The following GABRG1 variants were observed in gnomAD, a reference collection of about 807,000 sequenced individuals.
GABRG1 encodes the protein gamma-aminobutyric acid receptor subunit gamma-1.
Under a neutral mutation model 49.8 loss-of-function variants are expected in GABRG1, and 49 were observed. That is an observed-to-expected ratio of 0.98 (90% confidence interval 0.78 to 1.25). The LOEUF is 1.25. GABRG1 is among the 50% of genes most tolerant of loss of function. The pLI, the probability that GABRG1 is intolerant of heterozygous loss-of-function variation, is 0.00. For synonymous variants in GABRG1, 232 were observed against 185.1 expected (o/e 1.25, Z -2.06); for missense variants, 552 against 552.3 (o/e 1.00, Z 0.01).
intron 3 of GABRG1, among the ~76,000 whole-genome samples, chr4:46,076,413 A>T (rs2109417466): frequency 8.4e-6 from 1 of 119,402 alleles, no homozygotes; most frequent in South Asian, 2.8e-4. Context: ...ATGCTAAATT[A>T]CTTTTTCTTA....
chr4:46,052,354 A>G (rs976187524), intron 7 of GABRG1, among the ~76,000 whole-genome samples: 2 of 151,952 alleles, frequency 1.3e-5, no homozygotes, highest in Non-Finnish European at 1.5e-5. Flanking sequence ...ATCCAAACTA[A>G]CATAGCTTTT....
At chr4:46,078,808 A>G (rs552531918) in intron 3 of GABRG1, among the ~76,000 whole-genome samples, 1 of 152,126 alleles carries the variant, frequency 6.6e-6, no homozygotes, top group South Asian at 2.1e-4. Flanking sequence ...TTGAATTTTT[A>G]TAAAACAAAT....
At chr4:46,076,892 T>TGC (rs1198003910) in intron 3 of GABRG1, among the ~76,000 whole-genome samples, 1 of 151,624 alleles carries the variant, frequency 6.6e-6, no homozygotes, top group Non-Finnish European at 1.5e-5. Context: ...AGGTCTAGGG[T>TGC]GTGTATATAT....
rs1339152856 is a variant in GABRG1 at position 46,097,727 on chromosome 4, T to A, written c.105-378A>T. 2.6e-5 allele frequency among the ~76,000 whole-genome samples: 4 copies of A among 151,298 alleles called. No homozygotes were observed. The East Asian group carries it at 7.8e-4, about 30-fold the overall frequency. ...AACCATCACAACCAAAAATAAAAATTAAAAGGTAAAGAATTACAGGAAAAG... is the reference window on the plus strand; with the variant it reads ...AACCATCACAACCAAAAATAAAAATAAAAAGGTAAAGAATTACAGGAAAAG... On this transcript the variant is annotated intron_variant, in intron 1 of 8. Coordinates refer to ENST00000295452, the MANE Select transcript of GABRG1 (RefSeq NM_173536.4).
chr4:46,114,795 A>G (rs1372262131), intron 1 of GABRG1, among the ~76,000 whole-genome samples: 2 of 151,070 alleles, frequency 1.3e-5, no homozygotes, highest in Admixed American at 1.3e-4. Flanking sequence ...AATTTAAAAA[A>G]CATACTAACT....
Position 46,062,659 on chromosome 4 carries a change from C to T in GABRG1, c.625+1782G>A, listed in dbSNP as rs1178540619. Among the ~76,000 whole-genome samples, 8 of 152,222 alleles carry T rather than the reference C, an allele frequency of 5.3e-5. No homozygotes were observed. The East Asian group carries it at 1.5e-3, about 29-fold the overall frequency. On this transcript the variant is annotated intron_variant, in intron 5 of 8. Coordinates refer to ENST00000295452, the MANE Select transcript of GABRG1 (RefSeq NM_173536.4). ...GAGCATTTTTTCATGTGTCTTTTGG[C>T]TGCATAAATGTCTTCTTTTGAGAAG...
intron 1 of GABRG1, among the ~76,000 whole-genome samples, chr4:46,098,165 G>A (rs115205617): frequency 0.011 from 1,599 of 151,804 alleles, 13 homozygotes; most frequent in Middle Eastern, 0.02. Context: ...TGATACACCT[G>A]TGTGCTTAAA....
intron 7 of GABRG1, among the ~76,000 whole-genome samples, chr4:46,054,899 G>A (rs1263736110): frequency 1.6e-5 from 1 of 63,246 alleles, no homozygotes; most frequent in Non-Finnish European, 2.9e-5. Context: ...AATAGGAGCG[G>A]TGAGAGAGGG....
chr4:46,081,789 AG>A (rs1339377098), intron 3 of GABRG1, among the ~76,000 whole-genome samples: 1 of 151,840 alleles, frequency 6.6e-6, no homozygotes, highest in Non-Finnish European at 1.5e-5. Flanking sequence ...TGCGGCTTTT[AG>A]GGTGGGCCCT....
intron 8 of GABRG1, among the ~76,000 whole-genome samples, chr4:46,049,865 G>A (rs1470886032): frequency 2.0e-5 from 3 of 151,790 alleles, no homozygotes; most frequent in Non-Finnish European, 2.9e-5. Flanking sequence ...TGTGTCCTTC[G>A]ATAATATAAT....
chr4:46,076,361 TCATATATATA>T (rs1438918197), intron 3 of GABRG1, among the ~76,000 whole-genome samples: 161 of 78,146 alleles, frequency 2.1e-3, no homozygotes, highest in African/African-American at 5.9e-3. Context: ...TAGGTCATGT[TCATATATATA>T]TATATATATA....
intron 7 of GABRG1, among the ~76,000 whole-genome samples, chr4:46,053,130 ATTAT>A (rs1006690693): frequency 6.6e-6 from 1 of 151,832 alleles, no homozygotes; most frequent in African/African-American, 2.4e-5. Context: ...ACTTAATTTA[ATTAT>A]TTGTCTTTTT....
intron 1 of GABRG1, among the ~76,000 whole-genome samples, chr4:46,122,808 CT>C (rs947635055): frequency 6.6e-6 from 1 of 151,878 alleles, no homozygotes; most frequent in African/African-American, 2.4e-5. Flanking sequence ...TACAGAGTTA[CT>C]TTTTTAATAA....
intron 1 of GABRG1, among the ~76,000 whole-genome samples, chr4:46,115,158 T>C (rs1720845145): frequency 6.6e-6 from 1 of 150,758 alleles, no homozygotes; most frequent in African/African-American, 2.4e-5. Context: ...AGGGAATTCT[T>C]AGATGGACTT....
At chr4:46,054,201 A>G (rs1319660229) in intron 7 of GABRG1, among the ~76,000 whole-genome samples, 1 of 33,524 alleles carries the variant, frequency 3.0e-5, no homozygotes, top group Non-Finnish European at 5.4e-5. Context: ...TGTTCCATTG[A>G]TCTATATCTC....
intron 1 of GABRG1, among the ~76,000 whole-genome samples, chr4:46,121,700 T>G (rs1197580669): frequency 1.3e-5 from 2 of 152,016 alleles, no homozygotes; most frequent in Non-Finnish European, 2.9e-5. Context: ...AAAAATTATG[T>G]TTTTGGGGGT....
At chr4:46,083,904 A>T (rs1270604745) in intron 3 of GABRG1, 82 bp downstream of exon 3, 7 of 772,456 alleles carry the variant, frequency 9.1e-6, no homozygotes, top group African/African-American at 3.6e-5. Context: ...ACTATAAAAA[A>T]TTACTCACAT....
At chr4:46,068,288 A>G (rs1009853712) in intron 3 of GABRG1, among the ~76,000 whole-genome samples, 5 of 152,136 alleles carry the variant, frequency 3.3e-5, no homozygotes, top group African/African-American at 1.2e-4. Flanking sequence ...CAAATATTCA[A>G]CACTGGTTGG....
intron 1 of GABRG1, among the ~76,000 whole-genome samples, chr4:46,100,127 T>A (rs995693448): frequency 6.6e-6 from 1 of 151,792 alleles, no homozygotes. Flanking sequence ...TCTACTTATC[T>A]TGTGTACAGT....
Sources: gnomAD v4.1 joint callset for allele counts (sites outside exome capture counted in the v4.1 genomes callset) on GRCh38, gnomAD v4.1.1 for gene constraint, MANE v1.5 for transcripts, NCBI Gene and HGNC (gene_info 2026-07-23, HGNC 2026-07-21) for gene names.